Variants in HIBCH observed in about 807,000 individuals in gnomAD.
HIBCH encodes 3-hydroxyisobutyryl-CoA hydrolase, mitochondrial.
HIBCH carries 50 observed loss-of-function variants against 58.2 expected under a neutral mutation model. The observed-to-expected ratio is 0.86, with a 90% CI of 0.68 to 1.09. The LOEUF is 1.09. Among genes scored for constraint, HIBCH ranks in the 50% least tolerant of loss-of-function variants. The pLI is 0.00. For synonymous variants in HIBCH, 151 were observed against 146.9 expected (o/e 1.03, Z -0.20); for missense variants, 450 against 449.7 (o/e 1.00, Z -0.01).
rs567655409 is a variant in HIBCH at position 190,240,707 on chromosome 2, TA to T, written c.891+4179del. ...TGTCTTTGTTCTCATTGGTTTCAAA[TA>T]ACTTATTTCTGCCTTAATTTCATTA... On this transcript the variant is annotated intron_variant, in intron 11 of 13. Transcript: ENST00000359678. Among the ~76,000 whole-genome samples the T allele has an allele frequency of 1.6e-3, 246 of 152,144 alleles. 2 individuals carry two copies. The highest frequency in any genetic ancestry group is 5.8e-3 in the African/African-American group (240 of 41,556).
intron 2 of HIBCH, among the ~76,000 whole-genome samples, chr2:190,302,378 T>C (rs908454308): frequency 2.6e-5 from 4 of 152,108 alleles, no homozygotes; most frequent in Non-Finnish European, 5.9e-5. Context: ...AACTCTGGGG[T>C]GGAGACTTAA....
intron 1 of HIBCH, among the ~76,000 whole-genome samples, chr2:190,195,866 A>G (rs768555333): frequency 1.3e-4 from 20 of 150,622 alleles, no homozygotes; most frequent in Non-Finnish European, 2.5e-4. Context: ...GTTATCTTCT[A>G]GGAGTCCTAT....
chr2:190,261,943 CAAGGGCAGCCAATGGAGA>C, intron 6 of HIBCH, among the ~76,000 whole-genome samples: 1 of 152,166 alleles, frequency 6.6e-6, no homozygotes. Flanking sequence ...GCAATGGACC[CAAGGGCAGCCAATGGAGA>C]CTAACCAGAA....
intron 11 of HIBCH, among the ~76,000 whole-genome samples, chr2:190,237,438 A>T (rs1686307736): frequency 1.3e-5 from 2 of 152,226 alleles, no homozygotes; most frequent in Non-Finnish European, 2.9e-5. Context: ...ATATCACAAT[A>T]AGTTTATTCA....
At chr2:190,259,348 T>TGTGTGTGTGTGTGTGC (rs1262513844) in intron 7 of HIBCH, among the ~76,000 whole-genome samples, 2 of 150,618 alleles carry the variant, frequency 1.3e-5, no homozygotes, top group Non-Finnish European at 3.0e-5. Context: ...TGTGTGTGTG[T>TGTGTGTGTGTGTGTGC]GTGTGTGTGT....
At chr2:190,221,781 G>A (rs1685726790) in intron 11 of HIBCH, among the ~76,000 whole-genome samples, 1 of 152,160 alleles carries the variant, frequency 6.6e-6, no homozygotes, top group Admixed American at 6.5e-5. Flanking sequence ...ATTGGAGAGA[G>A]GCAGCTTGAC....
At chr2:190,227,707 A>AC (rs1685952350) in intron 11 of HIBCH, among the ~76,000 whole-genome samples, 3 of 152,232 alleles carry the variant, frequency 2.0e-5, no homozygotes, top group Non-Finnish European at 2.9e-5. Context: ...CAAATTTACA[A>AC]GAAAAAAAAT....
At chr2:190,262,780 T>C (rs916764777) in intron 6 of HIBCH, among the ~76,000 whole-genome samples, 11 of 152,216 alleles carry the variant, frequency 7.2e-5, no homozygotes, top group East Asian at 3.8e-4. Context: ...TTATATTACA[T>C]AGAGTATGTT....
downstream of HIBCH, chr2:190,200,510 TTTTG>T (rs56148086): frequency 0.27 from 51,352 of 188,750 alleles, 8,263 homozygotes; most frequent in East Asian, 0.44. Flanking sequence ...AAATAACAAT[TTTTG>T]TTTGTTTATA....
downstream of HIBCH, chr2:190,200,440 A>G (rs1690196356): frequency 1.1e-5 from 3 of 263,656 alleles, no homozygotes; most frequent in Non-Finnish European, 2.3e-5. Flanking sequence ...TGGCATCACC[A>G]AAGAAAATGC....
At chr2:190,221,856 G>T (rs893740728) in intron 11 of HIBCH, among the ~76,000 whole-genome samples, 1 of 152,168 alleles carries the variant, frequency 6.6e-6, no homozygotes, top group Non-Finnish European at 1.5e-5. Context: ...CCAGACTCCA[G>T]GGGAAGATTG....
chr2:190,285,040 T>G (rs1407247786), intron 6 of HIBCH, among the ~76,000 whole-genome samples: 3 of 152,218 alleles, frequency 2.0e-5, no homozygotes, highest in Non-Finnish European at 4.4e-5. Flanking sequence ...TATATATTTT[T>G]TTGAATGCTT....
At chr2:190,191,944 A>G (rs1689730485) in intron 1 of HIBCH, among the ~76,000 whole-genome samples, 1 of 150,572 alleles carries the variant, frequency 6.6e-6, no homozygotes, top group South Asian at 2.1e-4. Flanking sequence ...TTTTTTTTCC[A>G]GAGCAAATCT....
chr2:190,235,000 C>T (rs1356964181), intron 11 of HIBCH, among the ~76,000 whole-genome samples: 2 of 152,148 alleles, frequency 1.3e-5, no homozygotes, highest in African/African-American at 4.8e-5. Context: ...TTGAGACCTT[C>T]ACTACAACTG....
chr2:190,252,442 A>G lies in HIBCH; in HGVS notation c.518-135T>C. ...CATTACAAACATTATTAAACTAAGT[A>G]CTATACACTGCAATCAATATCACAA... On this transcript the variant is annotated intron_variant, in intron 7 of 13. Transcript: ENST00000359678. 4 of 755,752 alleles carry G rather than the reference A, an allele frequency of 5.3e-6. No individual in the cohort carries two copies. In the South Asian group the frequency reaches 6.2e-5, roughly 12 times the overall value. 46.8% of individuals were successfully genotyped at this position (755,752 alleles called of 1,614,324 possible).
downstream of HIBCH, among the ~76,000 whole-genome samples, chr2:190,199,104 A>T (rs777008093): frequency 3.9e-5 from 6 of 152,228 alleles, no homozygotes; most frequent in Non-Finnish European, 8.8e-5. Context: ...CCAGGGGATA[A>T]AGCCAGACTC....
intron 1 of HIBCH, among the ~76,000 whole-genome samples, chr2:190,193,718 A>G (rs1689827294): frequency 6.6e-6 from 1 of 152,108 alleles, no homozygotes; most frequent in African/African-American, 2.4e-5. Context: ...ACTTTTCTTG[A>G]TCAGTCTGTA....
chr2:190,298,922 T>C (rs1480345183), intron 2 of HIBCH, among the ~76,000 whole-genome samples: 1 of 152,220 alleles, frequency 6.6e-6, no homozygotes, highest in African/African-American at 2.4e-5. Flanking sequence ...AATTTTTGTA[T>C]AAGATGTAAG....
chr2:190,282,226 GTC>G (rs2105976497), intron 6 of HIBCH, among the ~76,000 whole-genome samples: 1 of 152,176 alleles, frequency 6.6e-6, no homozygotes, highest in Admixed American at 6.5e-5. Flanking sequence ...TCAATTTTCT[GTC>G]TCAGTCCATT....
Sources: gnomAD v4.1 joint callset for allele counts (sites outside exome capture counted in the v4.1 genomes callset) on GRCh38, gnomAD v4.1.1 for gene constraint, MANE v1.5 for transcripts, NCBI Gene and HGNC (gene_info 2026-07-23, HGNC 2026-07-21) for gene names.